TRPM6: variants seen among roughly 807,000 people sequenced by gnomAD.
TRPM6 encodes the protein transient receptor potential cation channel subfamily M member 6.
A neutral mutation model predicts 247.6 loss-of-function variants in TRPM6; 111 were observed. The observed-to-expected ratio is 0.45, with a 90% CI of 0.38 to 0.52. TRPM6 has a LOEUF of 0.52. TRPM6 is among the 20% of genes least tolerant of loss of function. The probability of loss-of-function intolerance (pLI) is 0.00; values close to 1 mark genes in which losing one functional copy is unlikely to be tolerated. For synonymous variants in TRPM6, 892 were observed against 853.8 expected (o/e 1.04, Z -0.78); for missense variants, 2,126 against 2,421.5 (o/e 0.88, Z 2.56).
intron 7 of TRPM6, among the ~76,000 whole-genome samples, chr9:74,823,548 C>G (rs927601615): frequency 1.3e-5 from 2 of 152,174 alleles, no homozygotes; most frequent in Non-Finnish European, 2.9e-5. Flanking sequence ...TGACATTCTA[C>G]TCCTTTTCCA....
At chr9:74,753,611 G>A (rs1010497996) in intron 28 of TRPM6, among the ~76,000 whole-genome samples, 2 of 152,040 alleles carry the variant, frequency 1.3e-5, no homozygotes, top group African/African-American at 2.4e-5. Flanking sequence ...TGGAAGGATC[G>A]CTTGAGCCCA....
intron 5 of TRPM6, among the ~76,000 whole-genome samples, chr9:74,838,713 C>T (rs1043368483): frequency 3.3e-5 from 5 of 151,722 alleles, no homozygotes; most frequent in Non-Finnish European, 5.9e-5. Context: ...TTGACGAGTG[C>T]GTTGGCATCT....
At chr9:74,782,518 T>A in intron 22 of TRPM6, 42 bp from the exon 23 acceptor site, 5 of 1,452,892 alleles carry the variant, frequency 3.4e-6, no homozygotes, top group Non-Finnish European at 4.8e-6. Context: ...ATAAGATGAA[T>A]CACAGTCCTG....
At chr9:74,726,443 G>T (rs765334086) in intron 38 of TRPM6, among the ~76,000 whole-genome samples, 14 of 152,188 alleles carry the variant, frequency 9.2e-5, no homozygotes, top group Non-Finnish European at 1.8e-4. Flanking sequence ...CCGGGAGACG[G>T]AGGTTGCAGT....
chr9:74,733,547 C>T (rs1225514110), intron 36 of TRPM6, among the ~76,000 whole-genome samples: 4 of 152,170 alleles, frequency 2.6e-5, no homozygotes, highest in Non-Finnish European at 5.9e-5. Context: ...GTGTTATCCT[C>T]GTAGCCTCGT....
chr9:74,853,134 T>C (rs1211164160), intron 3 of TRPM6, among the ~76,000 whole-genome samples: 4 of 148,412 alleles, frequency 2.7e-5, no homozygotes, highest in Non-Finnish European at 5.9e-5. Context: ...GTGTCTCTGC[T>C]CGACCGCCAC....
chr9:74,772,569 T>C (rs1462210112), intron 24 of TRPM6, among the ~76,000 whole-genome samples: 1 of 152,234 alleles, frequency 6.6e-6, no homozygotes, highest in East Asian at 1.9e-4. Context: ...ATCAGGGCAA[T>C]TGGTGGCACA....
chr9:74,738,720 G>T, intron 35 of TRPM6, 108 bp from the exon 36 acceptor site: 1 of 923,494 alleles, frequency 1.1e-6, no homozygotes, highest in Non-Finnish European at 1.7e-6. Context: ...GTATGATGCA[G>T]CCTCAATGCA....
chr9:74,778,889 A>T (rs1827320249), intron 23 of TRPM6, among the ~76,000 whole-genome samples: 1 of 152,080 alleles, frequency 6.6e-6, no homozygotes, highest in Non-Finnish European at 1.5e-5. Context: ...GCACCACCTC[A>T]CCAGGCAACA....
chr9:74,810,987 T>C, intron 12 of TRPM6, 119 bp from the exon 13 acceptor site: 1 of 776,266 alleles, frequency 1.3e-6, no homozygotes, highest in Non-Finnish European at 2.2e-6. Flanking sequence ...TCAATATTTT[T>C]AGTAACAATG....
At chr9:74,785,154 G>T (rs1352205867) in intron 21 of TRPM6, among the ~76,000 whole-genome samples, 2 of 151,990 alleles carry the variant, frequency 1.3e-5, no homozygotes, top group Non-Finnish European at 2.9e-5. Context: ...TAAACTATCG[G>T]ATATAAACGA....
chr9:74,863,280 C>G (rs945150092), intron 1 of TRPM6, among the ~76,000 whole-genome samples: 2 of 151,802 alleles, frequency 1.3e-5, no homozygotes, highest in Non-Finnish European at 2.9e-5. Context: ...CTCCTGACCT[C>G]AAGTGATCCA....
chr9:74,862,965 A>G lies in TRPM6; in HGVS notation c.34-4217T>C, dbSNP rs201914053. 5.3e-5 allele frequency among the ~76,000 whole-genome samples: 8 copies of G among 151,330 alleles called. No individual in the cohort carries two copies. The East Asian group carries it at 1.6e-3, about 30-fold the overall frequency. On this transcript the variant is annotated intron_variant, in intron 1 of 38. Coordinates refer to ENST00000360774, the MANE Select transcript of TRPM6 (RefSeq NM_017662.5). Reference sequence around the variant, plus strand: ...CACTGCACTCCAGCCTGGGTGACAGAACAGGACTCTGTCTCTAAATAAATA... The same window carrying G: ...CACTGCACTCCAGCCTGGGTGACAGGACAGGACTCTGTCTCTAAATAAATA...
In TRPM6 at chr9:74,808,066, C is replaced by T. The variant is rs771270884; in HGVS notation, c.1606G>A (p.Ala536Thr). Residue 536 changes from alanine (A) to threonine (T), a missense_variant, in exon 14 of 39, where the codon GCC becomes ACC. By Grantham distance (58) the Ala-to-Thr change is moderately conservative (BLOSUM62 0). This residue lies in a region of TRPM6 where 1,082 missense variants were observed against 1,307.9 expected (regional missense o/e 0.83). Transcript: ENST00000360774. ...TTTCTGTAGAGGTTGTTGTAGAGGG[C>T]TCTGAAATGTTTTCTAGTGTAGTTG... ...RSNYTRKHFRALYNNLYRKYK... is the reference protein window; with the variant it reads ...RSNYTRKHFRTLYNNLYRKYK... 1.2e-6 allele frequency: 2 copies of T among 1,613,914 alleles called. No individual in the cohort carries two copies. Among genetic ancestry groups the T allele is most frequent in the Non-Finnish European group, 1.7e-6 (2 of 1,179,908 alleles).
chr9:74,821,337 G>C (rs1829122301), intron 8 of TRPM6, among the ~76,000 whole-genome samples: 2 of 152,004 alleles, frequency 1.3e-5, no homozygotes, highest in Non-Finnish European at 2.9e-5. Context: ...CCCAACACTG[G>C]CCACCTCCCT....
intron 1 of TRPM6, among the ~76,000 whole-genome samples, chr9:74,881,444 G>A (rs1831361230): frequency 6.6e-6 from 1 of 151,882 alleles, no homozygotes; most frequent in African/African-American, 2.4e-5. Flanking sequence ...AATATATAAA[G>A]CAAATATTAT....
intron 14 of TRPM6, among the ~76,000 whole-genome samples, chr9:74,806,756 A>G (rs1204983082): frequency 6.6e-6 from 1 of 152,226 alleles, no homozygotes; most frequent in Non-Finnish European, 1.5e-5. Context: ...CACAGCTACT[A>G]AAGAGCAAAA....
At chr9:74,855,170 T>C (rs1830486169) in intron 3 of TRPM6, among the ~76,000 whole-genome samples, 1 of 152,232 alleles carries the variant, frequency 6.6e-6, no homozygotes, top group Admixed American at 6.5e-5. Flanking sequence ...GCCCATAAGC[T>C]TAGTATGCAT....
chr9:74,854,413 G>A (rs1363182626), intron 3 of TRPM6, among the ~76,000 whole-genome samples: 1 of 151,868 alleles, frequency 6.6e-6, no homozygotes, highest in South Asian at 2.1e-4. Flanking sequence ...CATTTTATTA[G>A]GTTTATGCAA....
Sources: allele counts gnomAD v4.1 joint callset (sites outside exome capture counted in the v4.1 genomes callset), GRCh38; gene constraint gnomAD v4.1.1; regional missense constraint gnomAD v4.1.1; transcripts MANE v1.5; gene names NCBI Gene and HGNC (gene_info 2026-07-23, HGNC 2026-07-21).